The following FBXO34 variants were observed in gnomAD, a reference collection of about 807,000 sequenced individuals.
FBXO34 encodes F-box protein 34.
A neutral mutation model predicts 24.5 loss-of-function variants in FBXO34; 12 were observed. The ratio of observed to expected loss-of-function variants is 0.49; its 90% CI spans 0.31 to 0.79. FBXO34 has a LOEUF of 0.79. Among genes scored for constraint, FBXO34 ranks in the 30% least tolerant of loss-of-function variants. The pLI, the probability that FBXO34 is intolerant of heterozygous loss-of-function variation, is 0.04. For missense variants in FBXO34, 823 were observed against 857.7 expected (o/e 0.96, Z 0.51); for synonymous variants, 320 against 311.9 (o/e 1.03, Z -0.27).
chr14:55,327,803 A>T (rs536645349), intron 1 of FBXO34, among the ~76,000 whole-genome samples: 16 of 149,860 alleles, frequency 1.1e-4, no homozygotes, highest in South Asian at 2.1e-4. Flanking sequence ...AACCCTATAT[A>T]TATTGTGCAC....
intron 1 of FBXO34, chr14:55,299,035 A>G: frequency 3.7e-6 from 6 of 1,604,780 alleles, no homozygotes; most frequent in Non-Finnish European, 4.3e-6. Flanking sequence ...GAACTTGGGG[A>G]GGAGATTTCA....
At chr14:55,276,996 A>G (rs1881365809) in intron 1 of FBXO34, among the ~76,000 whole-genome samples, 1 of 152,216 alleles carries the variant, frequency 6.6e-6, no homozygotes, top group Non-Finnish European at 1.5e-5. Flanking sequence ...TGGGCATTAC[A>G]GTTTTTAGGC....
At chr14:55,438,969 A>C in the FBXO34 span, 1 of 139,178 alleles carries the variant, frequency 7.2e-6, no homozygotes, top group Non-Finnish European at 1.5e-5. Context: ...ACGGAGTCTC[A>C]CTCTGTCGCC....
chr14:55,428,739 G>T, the FBXO34 span: 29 of 1,433,224 alleles, frequency 2.0e-5, no homozygotes, highest in South Asian at 4.3e-5. Flanking sequence ...GATACTTTAC[G>T]TAAGCAACCC....
the FBXO34 span, among the ~76,000 whole-genome samples, chr14:55,428,117 A>ACCTTTTTTTTT: frequency 4.1e-5 from 2 of 48,332 alleles, no homozygotes; most frequent in African/African-American, 1.4e-4. Flanking sequence ...CACATGCCTT[A>ACCTTTTTTTTT]TCTTTTTTTT....
the FBXO34 span, among the ~76,000 whole-genome samples, chr14:55,441,970 C>G: frequency 6.7e-6 from 1 of 149,624 alleles, no homozygotes; most frequent in Non-Finnish European, 1.5e-5. Context: ...ACCTTGTTGG[C>G]CAGGCTGGTC....
At chr14:55,302,591 C>T (rs572591768) in intron 1 of FBXO34, among the ~76,000 whole-genome samples, 22 of 151,642 alleles carry the variant, frequency 1.5e-4, no homozygotes, top group Middle Eastern at 6.8e-3. Flanking sequence ...GCACTTGGCC[C>T]GTATTATCTT....
At chr14:55,386,649 AG>A in the FBXO34 span, among the ~76,000 whole-genome samples, 1 of 152,288 alleles carries the variant, frequency 6.6e-6, no homozygotes, top group Non-Finnish European at 1.5e-5. Context: ...ACATCTGGTG[AG>A]GTATCTAGAC....
chr14:55,334,274 C>T (rs190694386), intron 1 of FBXO34, among the ~76,000 whole-genome samples: 17 of 152,294 alleles, frequency 1.1e-4, no homozygotes, highest in Non-Finnish European at 2.1e-4. Context: ...TAGTCAGACT[C>T]ATAAACTTCC....
the FBXO34 span, chr14:55,380,569 T>G: frequency 1.3e-6 from 2 of 1,580,214 alleles, no homozygotes; most frequent in South Asian, 1.1e-5. Flanking sequence ...CTTCAATTAC[T>G]TGCCTGTTGC....
chr14:55,323,017 C>CAAAAAAAAAAAAA (rs1444620301), intron 1 of FBXO34, among the ~76,000 whole-genome samples: 44 of 40,860 alleles, frequency 1.1e-3, no homozygotes, highest in Non-Finnish European at 1.9e-3. Flanking sequence ...ACTAAAAATA[C>CAAAAAAAAAAAAA]AAAAAAAAAA....
rs1462080595 is a variant in FBXO34 at position 55,274,689 on chromosome 14, T to C, written c.-11+3152T>C. On this transcript the variant is annotated intron_variant, in intron 1 of 1. Transcript: ENST00000313833. ...TATTAACATTTAGAATTTAAATTCT[T>C]AAAAATTTTTACTTTATTTTTTAAA... Among the ~76,000 whole-genome samples the C allele has an allele frequency of 2.6e-5, 4 of 152,308 alleles. No homozygotes were observed. The South Asian group carries it at 8.3e-4, about 32-fold the overall frequency.
intron 1 of FBXO34, among the ~76,000 whole-genome samples, chr14:55,299,389 G>C (rs138027241): frequency 8.8e-4 from 133 of 151,852 alleles, no homozygotes; most frequent in South Asian, 1.9e-3. Flanking sequence ...TAGTGGGATG[G>C]GTGGGGGCGG....
chr14:55,349,727 C>T (rs935101485), intron 1 of FBXO34, among the ~76,000 whole-genome samples: 7 of 151,338 alleles, frequency 4.6e-5, no homozygotes, highest in Non-Finnish European at 7.4e-5. Context: ...GTGCCTCAGC[C>T]TCTCGAGTAG....
chr14:55,404,648 G>C, the FBXO34 span, among the ~76,000 whole-genome samples: 1 of 152,186 alleles, frequency 6.6e-6, no homozygotes, highest in Non-Finnish European at 1.5e-5. Context: ...CACACAAGTG[G>C]CAGGGTGTAC....
rs1265659926 is a variant in FBXO34, at chr14:55,331,693, A to G, written c.-10-18688A>G. Among the ~76,000 whole-genome samples the G allele has an allele frequency of 4.5e-5, 3 of 66,540 alleles. 1 individual carries two copies. Among genetic ancestry groups the G allele is most frequent in the South Asian group, 8.2e-4 (2 of 2,446 alleles). 43.7% of individuals were successfully genotyped at this position (66,540 alleles called of 152,430 possible). On this transcript the variant is annotated intron_variant, in intron 1 of 1. Transcript: ENST00000313833. Reference sequence around the variant, plus strand: ...TGTGTATATATATATATGTGTATATATATATATATATGTATATATATATGT... The same window carrying G: ...TGTGTATATATATATATGTGTATATGTATATATATATGTATATATATATGT...
intron 1 of FBXO34, among the ~76,000 whole-genome samples, chr14:55,320,176 G>A (rs1046839272): frequency 1.2e-4 from 18 of 152,152 alleles, no homozygotes; most frequent in African/African-American, 3.1e-4. Context: ...TGCCTGAAGC[G>A]TGCATTTGAA....
chr14:55,308,194 G>A (rs1361071422), intron 1 of FBXO34, among the ~76,000 whole-genome samples: 1 of 152,196 alleles, frequency 6.6e-6, no homozygotes, highest in Non-Finnish European at 1.5e-5. Context: ...GCATAGAATT[G>A]CAGGCATATA....
chr14:55,439,422 T>G, the FBXO34 span, among the ~76,000 whole-genome samples: 2 of 152,036 alleles, frequency 1.3e-5, no homozygotes, highest in African/African-American at 4.8e-5. Context: ...CTGTTTCCCC[T>G]GTCAAAGCAG....
Sources: gnomAD v4.1 joint callset for allele counts (sites outside exome capture counted in the v4.1 genomes callset) on GRCh38, gnomAD v4.1.1 for gene constraint, MANE v1.5 for transcripts, NCBI Gene and HGNC (gene_info 2026-07-23, HGNC 2026-07-21) for gene names.